COL6A2: variants seen among roughly 807,000 people sequenced by gnomAD.
The protein encoded by COL6A2 is collagen alpha-2(VI) chain.
In COL6A2, 90 loss-of-function variants were observed where a neutral mutation model predicts 124.9. That is an observed-to-expected ratio of 0.72 (90% confidence interval 0.61 to 0.86). The LOEUF (loss-of-function observed/expected upper bound fraction) is 0.86. Ranked by LOEUF, COL6A2 falls within the 40% of genes least tolerant of loss-of-function variation. The pLI is 0.00. For missense variants in COL6A2, 1,607 were observed against 1,502.5 expected, an observed-to-expected ratio of 1.07 and a Z score of -1.15; for synonymous variants, 793 against 618.2, an observed-to-expected ratio of 1.28 and a Z score of -4.19.
intron 15 of COL6A2, among the ~76,000 whole-genome samples, chr21:46,120,138 C>CTG (rs2078540155): frequency 6.7e-6 from 1 of 150,288 alleles, no homozygotes; most frequent in Non-Finnish European, 1.5e-5. Flanking sequence ...CACTGAGGCA[C>CTG]CTCTTACCCC....
At chr21:46,123,554 G>A (rs997065494) in intron 21 of COL6A2, among the ~76,000 whole-genome samples, 6 of 150,982 alleles carry the variant, frequency 4.0e-5, no homozygotes, top group Admixed American at 6.6e-5. Flanking sequence ...TGGATGGGAG[G>A]ATGGGTGATG....
Position 46,117,770 on chromosome 21 carries a change from T to C in COL6A2, c.1054-104T>C, listed in dbSNP as rs573836738. 10 of 1,175,214 alleles carry C rather than the reference T, an allele frequency of 8.5e-6. No individual in the cohort carries two copies. In the African/African-American group the frequency reaches 1.4e-4, roughly 16 times the overall value. 72.8% of individuals were successfully genotyped at this position (1,175,214 alleles called of 1,614,324 possible). ...CTGAGCCTGGGCCTCACAGTGAGGGTGGGAGGTGCGTCCCGGGCTGGGACA... is the reference window on the plus strand; with the variant it reads ...CTGAGCCTGGGCCTCACAGTGAGGGCGGGAGGTGCGTCCCGGGCTGGGACA... On this transcript the variant is annotated intron_variant, in intron 11 of 27. Transcript: ENST00000300527.
chr21:46,099,832 A>T (rs1469217343), intron 1 of COL6A2, among the ~76,000 whole-genome samples: 1 of 149,938 alleles, frequency 6.7e-6, no homozygotes, highest in South Asian at 2.1e-4. Context: ...CAGAAACGTC[A>T]GATGCCCATC....
chr21:46,109,503 C>T (rs1296131878), intron 1 of COL6A2, among the ~76,000 whole-genome samples: 1 of 152,210 alleles, frequency 6.6e-6, no homozygotes, highest in African/African-American at 2.4e-5. Flanking sequence ...GACCCATCCT[C>T]TTCTGCCCAG....
intron 27 of COL6A2, chr21:46,129,394 T>G: frequency 6.2e-7 from 1 of 1,612,892 alleles, no homozygotes; most frequent in Non-Finnish European, 8.5e-7. Context: ...GCCACCGGGG[T>G]AGAGCGGCAG....
chr21:46,113,653 G>T (rs1027372187), intron 4 of COL6A2: 1 of 389,402 alleles, frequency 2.6e-6, no homozygotes, highest in Non-Finnish European at 4.9e-6. Flanking sequence ...TCTAACTCCT[G>T]GCCTCAAGCA....
chr21:46,129,527 C>T, intron 27 of COL6A2: 1 of 1,522,564 alleles, frequency 6.6e-7, no homozygotes, highest in Non-Finnish European at 8.8e-7. Context: ...TGGGCCCTCC[C>T]TGCCACACTA....
At chr21:46,103,979 C>A (rs2078312783) in intron 1 of COL6A2, among the ~76,000 whole-genome samples, 1 of 152,150 alleles carries the variant, frequency 6.6e-6, no homozygotes, top group Non-Finnish European at 1.5e-5. Context: ...ATAAAAAAGT[C>A]ATTGCACATG....
At chr21:46,111,828 A>G in intron 2 of COL6A2, 151 bp from the exon 3 acceptor site, 1 of 708,452 alleles carries the variant, frequency 1.4e-6, no homozygotes, top group East Asian at 2.7e-5. Flanking sequence ...GGCAGTTGGG[A>G]CCAGTACCCA....
At chr21:46,120,458 G>A in intron 15 of COL6A2, 57 bp from the exon 16 acceptor site, 2 of 1,428,586 alleles carry the variant, frequency 1.4e-6, no homozygotes, top group South Asian at 2.5e-5. Flanking sequence ...CTCTCACATG[G>A]GACCCAGGCC....
chr21:46,130,060 C>T (rs62213990), intron 27 of COL6A2, among the ~76,000 whole-genome samples: 227 of 152,288 alleles, frequency 1.5e-3, no homozygotes, highest in Middle Eastern at 3.4e-3. Flanking sequence ...GACTCGTGGG[C>T]GCTCACGGCC....
chr21:46,126,684 A>C (rs2078675527), intron 27 of COL6A2, 143 bp downstream of exon 27: 2 of 1,008,684 alleles, frequency 2.0e-6, no homozygotes, highest in African/African-American at 1.6e-5. Context: ...CCTTAGGGAG[A>C]TGGCCCCAGG....
intron 27 of COL6A2, among the ~76,000 whole-genome samples, chr21:46,131,436 A>C (rs2078758442): frequency 6.6e-6 from 1 of 152,178 alleles, no homozygotes; most frequent in Non-Finnish European, 1.5e-5. Flanking sequence ...CACCATGGCC[A>C]ATCAGAAGAG....
chr21:46,129,112 C>A, intron 27 of COL6A2: 5 of 1,606,054 alleles, frequency 3.1e-6, no homozygotes, highest in Non-Finnish European at 4.2e-6. Context: ...TTCACTCTGG[C>A]CTCGCTGAGC....
intron 27 of COL6A2, among the ~76,000 whole-genome samples, chr21:46,126,982 T>G (rs2078680490): frequency 6.7e-6 from 1 of 150,064 alleles, no homozygotes; most frequent in African/African-American, 2.5e-5. Flanking sequence ...GCTCCAACCC[T>G]GGCCTGCCTC....
At chr21:46,117,142 G>A (rs561704697) in intron 10 of COL6A2, among the ~76,000 whole-genome samples, 2 of 152,282 alleles carry the variant, frequency 1.3e-5, no homozygotes, top group African/African-American at 4.8e-5. Flanking sequence ...CTCCCCGTGG[G>A]AACATCCTCT....
chr21:46,113,723 T>G, intron 4 of COL6A2: 2 of 516,214 alleles, frequency 3.9e-6, no homozygotes, highest in South Asian at 2.1e-5. Flanking sequence ...GCACCCGGCC[T>G]TTCTTCCCTT....
At chr21:46,111,921 G>A (rs1006870503) in intron 2 of COL6A2, 58 bp from the exon 3 acceptor site, 15 of 1,550,414 alleles carry the variant, frequency 9.7e-6, no homozygotes, top group Middle Eastern at 1.7e-4. Context: ...GCCAGGAAAC[G>A]GGGCTCCAAC....
rs886044694 is a variant in COL6A2 at position 46,132,432 on chromosome 21, G to T, written c.2940G>T (p.Val980=). ...VPTVLALGSD[V]DMDVLTTLSL... ...CCGTGCTGGCCTTGGGCAGCGACGTGGACATGGACGTGCTCACCACGCTCA... is the reference window on the plus strand; with the variant it reads ...CCGTGCTGGCCTTGGGCAGCGACGTTGACATGGACGTGCTCACCACGCTCA... The change falls in exon 28 of 28, where the codon GTG becomes GTT. Residue 980 remains valine (V), a synonymous_variant. Transcript: ENST00000300527. 1 of 1,606,748 alleles carries T rather than the reference G, an allele frequency of 6.2e-7. No homozygotes were observed. The highest frequency in any genetic ancestry group is 8.5e-7 in the Non-Finnish European group (1 of 1,176,842).
Sources: gnomAD v4.1 joint callset for allele counts (sites outside exome capture counted in the v4.1 genomes callset) on GRCh38, gnomAD v4.1.1 for gene constraint, MANE v1.5 for transcripts, NCBI Gene and HGNC (gene_info 2026-07-23, HGNC 2026-07-21) for gene names.